EVI5: variants seen among roughly 807,000 people sequenced by gnomAD.
EVI5 encodes ecotropic viral integration site 5, also known as ecotropic viral integration site 5 protein homolog.
EVI5 carries 73 observed loss-of-function variants against 112.0 expected under a neutral mutation model. That is an observed-to-expected ratio of 0.65 (90% CI 0.54 to 0.79). EVI5 has a LOEUF of 0.79. Ranked by LOEUF, EVI5 falls within the 30% of genes least tolerant of loss-of-function variation. EVI5 has a pLI of 0.00. For synonymous variants in EVI5, 305 were observed against 319.9 expected (o/e 0.95, Z 0.50); for missense variants, 900 against 968.8 (o/e 0.93, Z 0.94).
intron 2 of EVI5, among the ~76,000 whole-genome samples, chr1:92,714,344 T>C (rs1473365508): frequency 6.6e-6 from 1 of 152,224 alleles, no homozygotes; most frequent in Non-Finnish European, 1.5e-5. Context: ...GAGAATCATC[T>C]ACATTTGGGG....
Position 92,607,647 on chromosome 1 carries a change from T to C in EVI5, c.1908A>G (p.Ala636=). The C allele has an allele frequency of 6.2e-7, 1 of 1,608,024 alleles. No individual in the cohort carries two copies. Among genetic ancestry groups the C allele is most frequent in the Non-Finnish European group, 8.5e-7 (1 of 1,177,452 alleles). Reference sequence around the variant, plus strand: ...ATTGAGTAAGGAGTCCTTTGTTCTGTGCAGAAAGATACTGCACTTTCTCCT... The same window carrying C: ...ATTGAGTAAGGAGTCCTTTGTTCTGCGCAGAAAGATACTGCACTTTCTCCT... The part of the protein sequence containing the change: ...SLQEKVQYLS[A]QNKGLLTQLS... Residue 636 remains alanine, a synonymous_variant, in exon 17 of 20, where the codon GCA becomes GCG. Transcript: ENST00000684568.
chr1:92,647,055 T>TTCTTCC (rs1661099186), intron 13 of EVI5: 2 of 208,000 alleles, frequency 9.6e-6, no homozygotes, highest in Non-Finnish European at 2.1e-5. Flanking sequence ...CATCACCTTC[T>TTCTTCC]TCTTCCTCTT....
chr1:92,726,736 T>C (rs1675627339), intron 2 of EVI5, among the ~76,000 whole-genome samples: 1 of 152,104 alleles, frequency 6.6e-6, no homozygotes, highest in Admixed American at 6.5e-5. Context: ...AGTGTAGAGT[T>C]TATAACACAT....
chr1:92,635,122 G>T (rs1465283214), intron 14 of EVI5, among the ~76,000 whole-genome samples: 2 of 152,200 alleles, frequency 1.3e-5, no homozygotes, highest in Non-Finnish European at 2.9e-5. Context: ...GGCTACTCGG[G>T]GGTCAGGGCC....
chr1:92,682,110 C>T (rs536875553), intron 9 of EVI5, among the ~76,000 whole-genome samples: 70 of 152,276 alleles, frequency 4.6e-4, no homozygotes, highest in African/African-American at 1.6e-3. Context: ...CTGTGCCCGG[C>T]CTCTCACTGG....
At chr1:92,650,947 G>A (rs1383612203) in intron 13 of EVI5, among the ~76,000 whole-genome samples, 2 of 151,948 alleles carry the variant, frequency 1.3e-5, no homozygotes, top group Non-Finnish European at 2.9e-5. Context: ...TGAGTCTCTG[G>A]TCAAATCTTA....
At chr1:92,756,251 C>A in intron 1 of EVI5, 1 of 430,460 alleles carries the variant, frequency 2.3e-6, no homozygotes. Flanking sequence ...AACAGCTGCC[C>A]ATTTCATTGA....
intron 1 of EVI5, among the ~76,000 whole-genome samples, chr1:92,790,830 A>T (rs1294940357): frequency 6.6e-6 from 1 of 152,106 alleles, no homozygotes; most frequent in African/African-American, 2.4e-5. Flanking sequence ...TCTCAAAAAA[A>T]AAAAAAAGGA....
intron 2 of EVI5, among the ~76,000 whole-genome samples, chr1:92,711,979 A>G (rs1006409024): frequency 6.6e-6 from 1 of 152,144 alleles, no homozygotes; most frequent in African/African-American, 2.4e-5. Context: ...GGGCCCTCAC[A>G]TGGTGGAAGG....
intron 2 of EVI5, among the ~76,000 whole-genome samples, chr1:92,730,742 T>C (rs1317185156): frequency 8.0e-6 from 1 of 125,598 alleles, no homozygotes; most frequent in Admixed American, 7.8e-5. Flanking sequence ...ATCCAAAAAA[T>C]ACAGTTAACA....
intron 13 of EVI5, among the ~76,000 whole-genome samples, chr1:92,646,533 C>T (rs931998088): frequency 3.3e-5 from 5 of 152,194 alleles, no homozygotes; most frequent in African/African-American, 4.8e-5. Flanking sequence ...TCACAGTGCA[C>T]GCTCTAAGCT....
At chr1:92,563,506 A>C (rs1471655329) in intron 19 of EVI5, 136 bp downstream of exon 19, 1 of 464,416 alleles carries the variant, frequency 2.2e-6, no homozygotes, top group East Asian at 3.2e-5. Context: ...ATTTTCAAAA[A>C]TGTTATTAAT....
At chr1:92,623,478 A>G (rs1270607582) in intron 16 of EVI5, among the ~76,000 whole-genome samples, 1 of 152,234 alleles carries the variant, frequency 6.6e-6, no homozygotes, top group African/African-American at 2.4e-5. Context: ...CATGAAAACC[A>G]AATGTGCCTT....
At position 92,636,264 on chromosome 1, in the gene EVI5, T is replaced by A; in HGVS notation, c.1465A>T (p.Ser489Cys). Residue 489 changes from serine (S) to cysteine (C), a missense_variant, in exon 14 of 20, where the codon AGT (serine) becomes TGT (cysteine). Physicochemically the swap from Ser to Cys is moderately radical, Grantham distance 112 (BLOSUM62 -1). Transcript: ENST00000684568. ...AATGCACACTGAGACTCAGCTTCAC[T>A]CAGTCGGGCTTGGACCAATTCCTTC... ...LEKELVQARL[S>C]EAESQCALKE... is the part of the protein sequence containing the mutation. The A allele has an allele frequency of 6.2e-7, 1 of 1,613,824 alleles. No homozygotes were observed. Among genetic ancestry groups the A allele is most frequent in the South Asian group, 1.1e-5 (1 of 91,060 alleles).
Position 92,512,533 on chromosome 1 carries a change from T to G in EVI5, c.*1123A>C, listed in dbSNP as rs1009680535. On this transcript the variant is annotated 3_prime_UTR_variant, in exon 20 of 20. Coordinates refer to ENST00000684568, the MANE Select transcript of EVI5 (RefSeq NM_001350197.2). ...TATTTACAGAAGTCCTGTTAGATGCTGAAAGCAGTCATTTTGCAACATGTA... is the reference window on the plus strand; with the variant it reads ...TATTTACAGAAGTCCTGTTAGATGCGGAAAGCAGTCATTTTGCAACATGTA... 1 of 152,222 alleles carries G rather than the reference T, an allele frequency of 6.6e-6. No homozygotes were observed. Among genetic ancestry groups the G allele is most frequent in the Admixed American group, 6.5e-5 (1 of 15,276 alleles). 9.4% of individuals were successfully genotyped at this position (152,222 alleles called of 1,614,324 possible). A position where few individuals can be genotyped will look rare whatever the true frequency, so the allele number is the denominator to read the frequency against.
rs57830016 is a variant in EVI5 at position 92,703,932 on chromosome 1, C to CA, written c.340-314dup. On this transcript the variant is annotated intron_variant, in intron 3 of 19. Coordinates refer to ENST00000684568, the MANE Select transcript of EVI5 (RefSeq NM_001350197.2). ...CCAACATTCAAAGGGCTGTTGAAGG[C>CA]AAAAAAAAAAAAAAAAAGGAAAATA... 40 of 82,018 alleles carry CA rather than the reference C, an allele frequency of 4.9e-4. 3 individuals are homozygous for CA. The highest frequency in any genetic ancestry group is 7.4e-4 in the Non-Finnish European group (35 of 47,498). The allele number at this position is 82,018 out of a possible 1,614,324, so 5.1% of individuals were successfully genotyped here. A position where few individuals can be genotyped will look rare whatever the true frequency, so the allele number is the denominator to read the frequency against.
At chr1:92,620,153 T>C (rs1571926201) in intron 16 of EVI5, among the ~76,000 whole-genome samples, 2 of 152,164 alleles carry the variant, frequency 1.3e-5, no homozygotes, top group African/African-American at 4.8e-5. Flanking sequence ...GAGAACAGCC[T>C]GACCAACATG....
At chr1:92,513,997 C>G (rs138793808) in intron 19 of EVI5, 27 bp from the exon 20 acceptor site, 3 of 1,410,722 alleles carry the variant, frequency 2.1e-6, no homozygotes, top group Non-Finnish European at 2.9e-6. Context: ...CAAGTTAATA[C>G]AGTCAAATGG....
chr1:92,781,117 TG>T lies in EVI5; in HGVS notation c.-82+3718del, dbSNP rs560239612. Among the ~76,000 whole-genome samples the T allele has an allele frequency of 2.6e-3, 394 of 152,062 alleles. 1 individual carries two copies. Among genetic ancestry groups the T allele is most frequent in the African/African-American group, 8.4e-3 (350 of 41,528 alleles). On this transcript the variant is annotated intron_variant, in intron 1 of 19. Transcript: ENST00000684568. ...CGCTCGCCTCGGCCTCCCAAAGTGC[TG>T]GGATTTCAGGCATGAGCCACCACGC...
Sources: gnomAD v4.1 joint callset for allele counts (sites outside exome capture counted in the v4.1 genomes callset) on GRCh38, gnomAD v4.1.1 for gene constraint, MANE v1.5 for transcripts, NCBI Gene and HGNC (gene_info 2026-07-23, HGNC 2026-07-21) for gene names.